The following PDS5B variants were observed in gnomAD, a reference collection of about 807,000 sequenced individuals.
PDS5B encodes sister chromatid cohesion protein PDS5 homolog B.
PDS5B carries 51 observed loss-of-function variants against 184.1 expected under a neutral mutation model. That is an observed-to-expected ratio of 0.28 (90% CI 0.22 to 0.35). PDS5B has a LOEUF of 0.35. Ranked by LOEUF, PDS5B falls within the 10% of genes least tolerant of loss-of-function variation. The pLI, the probability that PDS5B is intolerant of heterozygous loss-of-function variation, is 1.00. For missense variants in PDS5B, 1,180 were observed against 1,723.3 expected (o/e 0.68, Z 5.58); for synonymous variants, 566 against 569.2 (o/e 0.99, Z 0.08).
intron 1 of PDS5B, among the ~76,000 whole-genome samples, chr13:32,617,249 G>A (rs554439724): frequency 6.6e-6 from 1 of 152,132 alleles, no homozygotes; most frequent in African/African-American, 2.4e-5. Context: ...AAATTATCCT[G>A]TCTTGGCCAC....
chr13:32,665,211 C>T (rs1221020316), intron 6 of PDS5B, among the ~76,000 whole-genome samples: 1 of 152,090 alleles, frequency 6.6e-6, no homozygotes, highest in Non-Finnish European at 1.5e-5. Context: ...TAAAAATTAG[C>T]TACTTAGACC....
chr13:32,619,999 A>G (rs61497901), intron 1 of PDS5B, among the ~76,000 whole-genome samples: 2,553 of 152,088 alleles, frequency 0.017, 75 homozygotes, highest in African/African-American at 0.059. Flanking sequence ...GGGTTTCACT[A>G]TGTTGGCCAG....
At chr13:32,627,011 C>T (rs1029113474) in intron 1 of PDS5B, among the ~76,000 whole-genome samples, 1 of 132,848 alleles carries the variant, frequency 7.5e-6, no homozygotes, top group Non-Finnish European at 1.7e-5. Context: ...TTCTATCTAG[C>T]ACTTTTTTTT....
At chr13:32,616,211 A>C (rs2058217349) in intron 1 of PDS5B, among the ~76,000 whole-genome samples, 1 of 151,322 alleles carries the variant, frequency 6.6e-6, no homozygotes, top group Non-Finnish European at 1.5e-5. Context: ...CCGCCACCAC[A>C]CCCAGCTAAT....
At position 32,775,411 on chromosome 13, in the gene PDS5B, G is replaced by A; in HGVS notation, c.*359G>A. The A allele has an allele frequency of 3.2e-6, 1 of 313,852 alleles. No individual in the cohort carries two copies. The highest frequency in any genetic ancestry group is 6.1e-6 in the Non-Finnish European group (1 of 163,048). The allele number at this position is 313,852 out of a possible 1,614,324, so 19.4% of individuals were successfully genotyped here. On this transcript the variant is annotated 3_prime_UTR_variant, in exon 35 of 35. Coordinates refer to ENST00000315596, the MANE Select transcript of PDS5B (RefSeq NM_015032.4). ...TACCCGACTGTTTATTGGATCTATT[G>A]ATTTGAAAAGAATTTGTTAGGATAG...
At chr13:32,674,066 C>T (rs948142161) in intron 8 of PDS5B, among the ~76,000 whole-genome samples, 7 of 152,052 alleles carry the variant, frequency 4.6e-5, no homozygotes, top group East Asian at 1.9e-4. Context: ...CCACCTGCCT[C>T]GGCCTCCCAA....
intron 1 of PDS5B, among the ~76,000 whole-genome samples, chr13:32,639,195 C>G (rs1165153162): frequency 6.6e-6 from 1 of 152,074 alleles, no homozygotes; most frequent in East Asian, 1.9e-4. Context: ...TGATGCAGGT[C>G]GAGATATTCC....
chr13:32,773,391 C>T (rs1228618442), intron 34 of PDS5B, 67 bp downstream of exon 34: 2 of 1,314,308 alleles, frequency 1.5e-6, no homozygotes, highest in Non-Finnish European at 2.1e-6. Context: ...TTGGTTAGAT[C>T]ATTTAGTACT....
intron 7 of PDS5B, among the ~76,000 whole-genome samples, chr13:32,668,241 A>G (rs1306127561): frequency 1.3e-5 from 2 of 152,212 alleles, no homozygotes; most frequent in Non-Finnish European, 2.9e-5. Context: ...GAAGATATGA[A>G]CTAATATTAA....
chr13:32,655,037 T>C lies in PDS5B; in HGVS notation c.312+3030T>C, dbSNP rs947937631. Among the ~76,000 whole-genome samples, 3 of 152,240 alleles carry C rather than the reference T, an allele frequency of 2.0e-5. No homozygotes were observed. In the East Asian group the frequency reaches 5.8e-4, roughly 29 times the overall value. ...AGAATGATTTATATTCCTTTGGTTATATACCCAATAATGGGATTGCTGGGT... is the reference window on the plus strand; with the variant it reads ...AGAATGATTTATATTCCTTTGGTTACATACCCAATAATGGGATTGCTGGGT... On this transcript the variant is annotated intron_variant, in intron 3 of 34. Coordinates refer to ENST00000315596, the MANE Select transcript of PDS5B (RefSeq NM_015032.4).
At chr13:32,652,125 A>T in intron 3 of PDS5B, 118 bp downstream of exon 3, 1 of 715,532 alleles carries the variant, frequency 1.4e-6, no homozygotes, top group Admixed American at 2.6e-5. Flanking sequence ...TAGCTACAGT[A>T]ATCTTTTGCT....
intron 23 of PDS5B, among the ~76,000 whole-genome samples, chr13:32,743,263 A>G (rs1325500917): frequency 6.6e-6 from 1 of 152,102 alleles, no homozygotes; most frequent in Non-Finnish European, 1.5e-5. Context: ...ACCACTTACT[A>G]GTCAGGTGAA....
chr13:32,723,290 T>C (rs1214389196), intron 19 of PDS5B, among the ~76,000 whole-genome samples: 1 of 152,182 alleles, frequency 6.6e-6, no homozygotes, highest in African/African-American at 2.4e-5. Flanking sequence ...ATTTTAGGAG[T>C]GTTCACCAAA....
intron 1 of PDS5B, among the ~76,000 whole-genome samples, chr13:32,645,383 T>C (rs1950191201): frequency 6.6e-6 from 1 of 152,220 alleles, no homozygotes. Context: ...TGGAACTATT[T>C]GTATGACATG....
intron 10 of PDS5B, among the ~76,000 whole-genome samples, chr13:32,679,855 CT>C (rs1179130628): frequency 1.3e-5 from 2 of 149,678 alleles, no homozygotes; most frequent in Admixed American, 6.7e-5. Context: ...CTCCTCCCTT[CT>C]TTTTCCCTCC....
intron 1 of PDS5B, among the ~76,000 whole-genome samples, chr13:32,634,429 A>T (rs9595962): frequency 6.6e-5 from 10 of 151,960 alleles, no homozygotes; most frequent in African/African-American, 2.2e-4. Context: ...TCCATTCACC[A>T]GTTAATAGAC....
In PDS5B at chr13:32,700,261, A is replaced by G. The variant is rs557278294; in HGVS notation, c.1740+392A>G. Among the ~76,000 whole-genome samples the G allele has an allele frequency of 5.2e-4, 79 of 152,208 alleles. 2 individuals carry two copies. In the South Asian group the frequency reaches 0.016, roughly 30 times the overall value. On this transcript the variant is annotated intron_variant, in intron 16 of 34. Coordinates refer to ENST00000315596, the MANE Select transcript of PDS5B (RefSeq NM_015032.4). ...TTTACACAGTCTTGATTCTTTCTTT[A>G]GGATAAATTCTAAGAAGTACAATTG...
chr13:32,613,743 T>C (rs1237978479), intron 1 of PDS5B, among the ~76,000 whole-genome samples: 1 of 152,240 alleles, frequency 6.6e-6, no homozygotes, highest in Non-Finnish European at 1.5e-5. Flanking sequence ...GTTTTAATCA[T>C]GTCTGTTTAA....
intron 24 of PDS5B, among the ~76,000 whole-genome samples, chr13:32,748,551 A>G (rs1953846908): frequency 6.6e-6 from 1 of 150,722 alleles, no homozygotes; most frequent in Non-Finnish European, 1.5e-5. Flanking sequence ...TGGCCATGTC[A>G]TCATCTATGT....
Sources: gnomAD v4.1 joint callset for allele counts (sites outside exome capture counted in the v4.1 genomes callset) on GRCh38, gnomAD v4.1.1 for gene constraint, MANE v1.5 for transcripts, NCBI Gene and HGNC (gene_info 2026-07-23, HGNC 2026-07-21) for gene names.